NKAIN2: variants seen among roughly 807,000 people sequenced by gnomAD.
The protein encoded by NKAIN2 is sodium/potassium transporting ATPase interacting 2, also known as sodium/potassium-transporting ATPase subunit beta-1-interacting protein 2.
In NKAIN2, 14 loss-of-function variants were observed where a neutral mutation model predicts 32.6. The observed-to-expected ratio is 0.43, with a 90% CI of 0.28 to 0.67. The LOEUF (loss-of-function observed/expected upper bound fraction) is 0.67. NKAIN2 is among the 30% of genes least tolerant of loss of function. The probability of loss-of-function intolerance (pLI) is 0.17; values close to 1 mark genes in which losing one functional copy is unlikely to be tolerated. For missense variants in NKAIN2, 198 were observed against 258.3 expected (o/e 0.77, Z 1.60); for synonymous variants, 80 against 87.2 (o/e 0.92, Z 0.46).
At chr6:124,353,470 A>C (rs1036418756) in intron 2 of NKAIN2, among the ~76,000 whole-genome samples, 7 of 152,172 alleles carry the variant, frequency 4.6e-5, no homozygotes, top group African/African-American at 1.7e-4. Flanking sequence ...ACAAAGAGGC[A>C]CAGGCCGGGC....
rs869039720 is a variant in NKAIN2, at chr6:124,398,252, C to CAAAAAAAAAA, written c.273+42926_273+42935dup. On this transcript the variant is annotated intron_variant, in intron 3 of 6. Coordinates refer to ENST00000368417, the MANE Select transcript of NKAIN2 (RefSeq NM_001040214.3). ...TGGGTGACAGAGAGAGACTGCATCT[C>CAAAAAAAAAA]AAAAAAAAAAAAAAAAAAAAAAAAA... 1.1e-3 allele frequency among the ~76,000 whole-genome samples: 75 copies of CAAAAAAAAAA among 69,058 alleles called. 1 individual carries two copies. The highest frequency in any genetic ancestry group is 7.7e-3 in the Middle Eastern group (1 of 130). The allele number at this position is 69,058 out of a possible 152,430, so 45.3% of individuals were successfully genotyped here.
At chr6:124,104,194 G>C (rs1785015673) in intron 1 of NKAIN2, among the ~76,000 whole-genome samples, 1 of 152,158 alleles carries the variant, frequency 6.6e-6, no homozygotes, top group Non-Finnish European at 1.5e-5. Flanking sequence ...ATATGAAACG[G>C]TGAAGAAATG....
At chr6:124,551,228 G>A (rs556932235) in intron 3 of NKAIN2, among the ~76,000 whole-genome samples, 1 of 152,298 alleles carries the variant, frequency 6.6e-6, no homozygotes, top group East Asian at 1.9e-4. Context: ...AGGGGAAATG[G>A]TGTTAGCATT....
chr6:124,568,449 C>T lies in NKAIN2; in HGVS notation c.274-89737C>T, dbSNP rs115112926. 4.9e-3 allele frequency among the ~76,000 whole-genome samples: 743 copies of T among 152,282 alleles called. 6 individuals carry two copies. The highest frequency in any genetic ancestry group is 0.017 in the African/African-American group (708 of 41,548). On this transcript the variant is annotated intron_variant, in intron 3 of 6. Coordinates refer to ENST00000368417, the MANE Select transcript of NKAIN2 (RefSeq NM_001040214.3). ...CATATATCATATTTTTCAATTCTTA[C>T]ATCCGTTTAGGATGGCTAATATTAT...
chr6:124,706,829 T>G (rs956389164), intron 4 of NKAIN2, among the ~76,000 whole-genome samples: 1 of 152,020 alleles, frequency 6.6e-6, no homozygotes, highest in Non-Finnish European at 1.5e-5. Flanking sequence ...TTTTCTTTAT[T>G]TATAGTTGGT....
chr6:124,566,170 C>T (rs1166802350), intron 3 of NKAIN2, among the ~76,000 whole-genome samples: 1 of 152,220 alleles, frequency 6.6e-6, no homozygotes, highest in Non-Finnish European at 1.5e-5. Context: ...AAGTCAACTA[C>T]AGACATGGCA....
intron 1 of NKAIN2, among the ~76,000 whole-genome samples, chr6:123,861,580 A>G (rs1331876817): frequency 1.3e-5 from 2 of 152,176 alleles, no homozygotes; most frequent in African/African-American, 4.8e-5. Context: ...TTGAGAGTCC[A>G]TCCCTAGGTA....
chr6:124,595,670 T>TA (rs1369430622), intron 3 of NKAIN2, among the ~76,000 whole-genome samples: 3 of 31,550 alleles, frequency 9.5e-5, no homozygotes, highest in Non-Finnish European at 3.4e-4. Context: ...GATGGGAAAT[T>TA]AAAAACCATA....
At chr6:123,915,456 G>A (rs1414337081) in intron 1 of NKAIN2, among the ~76,000 whole-genome samples, 1 of 152,108 alleles carries the variant, frequency 6.6e-6, no homozygotes, top group African/African-American at 2.4e-5. Flanking sequence ...ACACCACATA[G>A]TACTTTCTAA....
intron 3 of NKAIN2, among the ~76,000 whole-genome samples, chr6:124,572,366 C>T (rs191929620): frequency 7.0e-4 from 106 of 152,236 alleles, no homozygotes; most frequent in African/African-American, 2.3e-3. Flanking sequence ...TAAAGTTAGC[C>T]ATCATACTAA....
chr6:124,155,606 T>A (rs892741255), intron 1 of NKAIN2, among the ~76,000 whole-genome samples: 1 of 151,846 alleles, frequency 6.6e-6, no homozygotes, highest in Non-Finnish European at 1.5e-5. Flanking sequence ...ATCTTTTTTT[T>A]TTTTTGCTAT....
intron 1 of NKAIN2, among the ~76,000 whole-genome samples, chr6:124,145,932 C>T (rs1362278663): frequency 6.6e-6 from 1 of 152,114 alleles, no homozygotes; most frequent in Non-Finnish European, 1.5e-5. Context: ...GATAGAATAG[C>T]TCATGATCTT....
chr6:123,818,856 G>A (rs1315180583), intron 1 of NKAIN2, among the ~76,000 whole-genome samples: 1 of 152,116 alleles, frequency 6.6e-6, no homozygotes, highest in East Asian at 1.9e-4. Context: ...AGTAATAGAG[G>A]CAAAACAAAC....
chr6:124,377,317 C>T (rs1167896493), intron 3 of NKAIN2, among the ~76,000 whole-genome samples: 1 of 152,140 alleles, frequency 6.6e-6, no homozygotes, highest in Admixed American at 6.5e-5. Context: ...AATTACATGG[C>T]CTGGGCCCAA....
intron 6 of NKAIN2, among the ~76,000 whole-genome samples, chr6:124,822,887 T>C (rs1781449756): frequency 6.6e-6 from 1 of 152,170 alleles, no homozygotes; most frequent in African/African-American, 2.4e-5. Context: ...AGAGATCTGA[T>C]TGGGCTTCCA....
rs534859260 is a variant in NKAIN2, at chr6:124,797,977, GTGCC to G, written c.535+6596_535+6599del. ...CTCAGTTCAAATTTTGGTATATTAT[GTGCC>G]TGCCTGCCTGCCTGCCTTCTTACCT... On this transcript the variant is annotated intron_variant, in intron 5 of 6. Transcript: ENST00000368417. Among the ~76,000 whole-genome samples the G allele has an allele frequency of 2.4e-3, 370 of 151,964 alleles. 2 individuals are homozygous for G. Among genetic ancestry groups the G allele is most frequent in the Non-Finnish European group, 4.1e-3 (280 of 67,952 alleles).
chr6:123,860,562 C>T, intron 1 of NKAIN2, among the ~76,000 whole-genome samples: 1 of 152,062 alleles, frequency 6.6e-6, no homozygotes, highest in Non-Finnish European at 1.5e-5. Context: ...AGGCACATGC[C>T]ACCATACCCA....
chr6:124,225,517 T>C (rs538333084), intron 1 of NKAIN2, among the ~76,000 whole-genome samples: 5 of 152,106 alleles, frequency 3.3e-5, no homozygotes, highest in African/African-American at 1.2e-4. Context: ...GTAACTCCAG[T>C]CTGACTTAAG....
At position 124,486,549 on chromosome 6, in the gene NKAIN2, C is replaced by G. The variant is rs142920854; in HGVS notation, c.273+131202C>G. 6.2e-3 allele frequency among the ~76,000 whole-genome samples: 940 copies of G among 152,242 alleles called. 14 individuals carry two copies. The highest frequency in any genetic ancestry group is 0.022 in the African/African-American group (907 of 41,554). Reference sequence around the variant, plus strand: ...ATAACTTTTTAAAAGCCAGGCAATACAATGATATGAGCTACAAATATGTAG... The same window carrying G: ...ATAACTTTTTAAAAGCCAGGCAATAGAATGATATGAGCTACAAATATGTAG... On this transcript the variant is annotated intron_variant, in intron 3 of 6. Coordinates refer to ENST00000368417, the MANE Select transcript of NKAIN2 (RefSeq NM_001040214.3).
Sources: gnomAD v4.1 joint callset for allele counts (sites outside exome capture counted in the v4.1 genomes callset) on GRCh38, gnomAD v4.1.1 for gene constraint, MANE v1.5 for transcripts, NCBI Gene and HGNC (gene_info 2026-07-23, HGNC 2026-07-21) for gene names.